RPH3A: variants seen among roughly 807,000 people sequenced by gnomAD.
RPH3A encodes rabphilin-3A.
Under a neutral mutation model 102.2 loss-of-function variants are expected in RPH3A, and 48 were observed. That is an observed-to-expected ratio of 0.47 (90% confidence interval 0.37 to 0.60). The LOEUF (loss-of-function observed/expected upper bound fraction) is 0.60, where lower values mean the gene tolerates loss of function less well. Among genes scored for constraint, RPH3A ranks in the 20% least tolerant of loss-of-function variants. The probability of loss-of-function intolerance (pLI) is 0.00; values close to 1 mark genes in which losing one functional copy is unlikely to be tolerated. For missense variants in RPH3A, 781 were observed against 910.1 expected, an observed-to-expected ratio of 0.86 and a Z score of 1.83; for synonymous variants, 310 against 324.3, an observed-to-expected ratio of 0.96 and a Z score of 0.47.
intron 2 of RPH3A, among the ~76,000 whole-genome samples, chr12:112,794,722 AG>A (rs2041196127): frequency 1.3e-5 from 2 of 152,146 alleles, no homozygotes; most frequent in African/African-American, 4.8e-5. Context: ...AACCCTTTCC[AG>A]GGGGGCCCAG....
At chr12:112,806,431 T>G (rs2041464713) in intron 2 of RPH3A, among the ~76,000 whole-genome samples, 1 of 152,160 alleles carries the variant, frequency 6.6e-6, no homozygotes, top group African/African-American at 2.4e-5. Context: ...GGCCAGGAAT[T>G]TGAGACCAGT....
intron 1 of RPH3A, among the ~76,000 whole-genome samples, chr12:112,759,846 A>G (rs1225794879): frequency 1.3e-5 from 2 of 152,104 alleles, no homozygotes; most frequent in Admixed American, 1.3e-4. Flanking sequence ...ACAGCAGCTC[A>G]GCACACCCCA....
chr12:112,687,974 A>G (rs747649089), intron 1 of RPH3A, among the ~76,000 whole-genome samples: 2 of 152,230 alleles, frequency 1.3e-5, no homozygotes, highest in South Asian at 2.1e-4. Context: ...TCTACCCCCA[A>G]GGCCCAAAAG....
chr12:112,663,655 C>A (rs768808479), intron 1 of RPH3A, among the ~76,000 whole-genome samples: 2 of 152,070 alleles, frequency 1.3e-5, no homozygotes, highest in African/African-American at 4.8e-5. Context: ...CTGTGCCTGG[C>A]CCCATAAATT....
rs2042770688 is a variant in RPH3A at position 112,875,088 on chromosome 12, GAGACGGGCC to G, written c.803_811del (p.Arg268_Ala270del). 5 of 1,607,492 alleles carry G rather than the reference GAGACGGGCC, an allele frequency of 3.1e-6. No individual in the cohort carries two copies. Among genetic ancestry groups the G allele is most frequent in the Non-Finnish European group, 4.2e-6 (5 of 1,177,526 alleles). On this transcript the variant is annotated inframe_deletion, in exon 11 of 22. Transcript: ENST00000389385. ...TTTCTTTTCTTTCCTCTGCAGGTTT[GAGACGGGCC>G]AACTCAGTCCAGGCCTCCAGACCTG...
At chr12:112,749,713 G>A (rs1010610191) in intron 1 of RPH3A, among the ~76,000 whole-genome samples, 2 of 152,198 alleles carry the variant, frequency 1.3e-5, no homozygotes, top group African/African-American at 4.8e-5. Flanking sequence ...TGAGAAAGGA[G>A]AGATTACATC....
intron 2 of RPH3A, among the ~76,000 whole-genome samples, chr12:112,808,000 A>C (rs1240722996): frequency 6.6e-6 from 1 of 151,968 alleles, no homozygotes; most frequent in Non-Finnish European, 1.5e-5. Flanking sequence ...TCTCCAGTAC[A>C]CTATCCCCTA....
chr12:112,675,656 T>G (rs987876557), intron 1 of RPH3A, among the ~76,000 whole-genome samples: 1 of 152,222 alleles, frequency 6.6e-6, no homozygotes, highest in Non-Finnish European at 1.5e-5. Context: ...GAAGGTTTTT[T>G]GAGGGATCCT....
chr12:112,808,573 C>T (rs2041512604), intron 2 of RPH3A, among the ~76,000 whole-genome samples: 1 of 152,204 alleles, frequency 6.6e-6, no homozygotes, highest in Non-Finnish European at 1.5e-5. Flanking sequence ...GAGCAGCATG[C>T]CTGAATTACT....
chr12:112,678,355 A>AGGAG, intron 1 of RPH3A, among the ~76,000 whole-genome samples: 1 of 145,566 alleles, frequency 6.9e-6, no homozygotes, highest in African/African-American at 2.5e-5. Context: ...GAAGGAAGGA[A>AGGAG]AGGAAGGAAG....
chr12:112,737,154 C>CAAAA (rs57703782), intron 1 of RPH3A, among the ~76,000 whole-genome samples: 1 of 117,378 alleles, frequency 8.5e-6, no homozygotes, highest in Non-Finnish European at 1.8e-5. Flanking sequence ...GACCCTGTCT[C>CAAAA]AAAAAAAAAA....
At chr12:112,772,686 G>T (rs965437883) in intron 1 of RPH3A, among the ~76,000 whole-genome samples, 7 of 151,974 alleles carry the variant, frequency 4.6e-5, no homozygotes, top group African/African-American at 1.7e-4. Context: ...GTCATTTGGG[G>T]CATCATTCTC....
chr12:112,751,862 A>G (rs1241252822), intron 1 of RPH3A, among the ~76,000 whole-genome samples: 1 of 152,242 alleles, frequency 6.6e-6, no homozygotes, highest in African/African-American at 2.4e-5. Flanking sequence ...CAATTATAGT[A>G]TGGCTATAGT....
chr12:112,854,949 C>T (rs187607941), intron 5 of RPH3A, among the ~76,000 whole-genome samples: 2 of 152,230 alleles, frequency 1.3e-5, no homozygotes, highest in African/African-American at 4.8e-5. Flanking sequence ...GTTAATTGAT[C>T]GTTTCATATG....
intron 1 of RPH3A, among the ~76,000 whole-genome samples, chr12:112,637,133 C>T (rs149324160): frequency 2.6e-5 from 4 of 152,174 alleles, no homozygotes; most frequent in East Asian, 1.9e-4. Context: ...CATATATAAC[C>T]GTTCATAATA....
At chr12:112,870,560 G>T (rs1218525723) in intron 10 of RPH3A, among the ~76,000 whole-genome samples, 3 of 152,124 alleles carry the variant, frequency 2.0e-5, no homozygotes, top group Non-Finnish European at 4.4e-5. Flanking sequence ...ATGGAGCACA[G>T]GACTTTGAAG....
At chr12:112,699,204 A>G (rs1277903230) in intron 1 of RPH3A, among the ~76,000 whole-genome samples, 2 of 152,210 alleles carry the variant, frequency 1.3e-5, no homozygotes, top group African/African-American at 2.4e-5. Context: ...TACAGGCAAG[A>G]GCCACTGTGC....
At chr12:112,836,469 T>C (rs1327113308) in intron 3 of RPH3A, 22 bp from the exon 4 acceptor site, 1 of 1,330,740 alleles carries the variant, frequency 7.5e-7, no homozygotes, top group East Asian at 2.6e-5. Flanking sequence ...TTTCTTTCTC[T>C]CCTTTCTCTG....
Position 112,896,811 on chromosome 12 carries a change from C to T in RPH3A, c.*31C>T, listed in dbSNP as rs370051177. 98 of 1,612,168 alleles carry T rather than the reference C, an allele frequency of 6.1e-5. No individual in the cohort carries two copies. Among genetic ancestry groups the T allele is most frequent in the Middle Eastern group, 3.6e-4 (2 of 5,494 alleles). On this transcript the variant is annotated 3_prime_UTR_variant, in exon 22 of 22. Transcript: ENST00000389385. ...TGCCCAGGTCCCCATCTCCATGTCC[C>T]GGGTCCCCCCCAGCCTGCTCTAGCT...
Sources: allele counts gnomAD v4.1 joint callset (sites outside exome capture counted in the v4.1 genomes callset), GRCh38; gene constraint gnomAD v4.1.1; transcripts MANE v1.5; gene names NCBI Gene and HGNC (gene_info 2026-07-23, HGNC 2026-07-21).